Variants in RPS6KA2 observed in about 807,000 individuals in gnomAD.
The protein encoded by RPS6KA2 is ribosomal protein S6 kinase alpha-2.
In RPS6KA2, 42 loss-of-function variants were observed where a neutral mutation model predicts 91.8. The observed-to-expected ratio is 0.46, with a 90% CI of 0.36 to 0.59. The LOEUF (loss-of-function observed/expected upper bound fraction) is 0.59, where lower values mean the gene tolerates loss of function less well. RPS6KA2 is among the 20% of genes least tolerant of loss of function. The pLI is 0.00. For missense variants in RPS6KA2, 798 were observed against 978.5 expected (o/e 0.82, Z 2.46); for synonymous variants, 414 against 393.6 (o/e 1.05, Z -0.61).
intron 10 of RPS6KA2, among the ~76,000 whole-genome samples, chr6:166,485,939 C>CTGG (rs1485205728): frequency 6.6e-6 from 1 of 152,146 alleles, no homozygotes; most frequent in Non-Finnish European, 1.5e-5. Context: ...GGACTCTGGG[C>CTGG]ACTAAGGGTG....
intron 2 of RPS6KA2, chr6:166,701,774 T>C: frequency 9.7e-7 from 1 of 1,034,048 alleles, no homozygotes; most frequent in Non-Finnish European, 1.5e-6. Context: ...GATATCATTT[T>C]CCTAACGCTC....
intron 1 of RPS6KA2, chr6:166,544,836 T>C (rs1783774713): frequency 6.6e-6 from 1 of 152,190 alleles, no homozygotes. Context: ...AATCAATTCC[T>C]TAGGAAACCA....
intron 1 of RPS6KA2, among the ~76,000 whole-genome samples, chr6:166,579,658 T>A (rs1017100744): frequency 6.6e-6 from 1 of 152,188 alleles, no homozygotes; most frequent in African/African-American, 2.4e-5. Context: ...ATGTGTCATG[T>A]TACAAGAAGG....
At chr6:166,576,828 G>A (rs755468329) in intron 1 of RPS6KA2, among the ~76,000 whole-genome samples, 6 of 152,202 alleles carry the variant, frequency 3.9e-5, no homozygotes, top group South Asian at 2.1e-4. Flanking sequence ...GTTAATCCCC[G>A]AGACAATGGG....
At position 166,508,339 on chromosome 6, in the gene RPS6KA2, C is replaced by T. The variant is rs1490614597; in HGVS notation, c.380-57G>A. The T allele has an allele frequency of 1.1e-5, 13 of 1,132,686 alleles. No homozygotes were observed. The highest frequency in any genetic ancestry group is 4.7e-5 in the East Asian group (2 of 42,384). The allele number at this position is 1,132,686 out of a possible 1,614,324, so 70.2% of individuals were successfully genotyped here. ...CTTGTCGAATGTCCTGTGGCAACATCGCTCTCTGGCTTCTCCCTGCTCACG... is the reference window on the plus strand; with the variant it reads ...CTTGTCGAATGTCCTGTGGCAACATTGCTCTCTGGCTTCTCCCTGCTCACG... On this transcript the variant is annotated intron_variant, in intron 4 of 20. Transcript: ENST00000265678. The surrounding 1 kb of genome is among the most constrained non-coding windows in gnomAD (Gnocchi z 4.3).
intron 2 of RPS6KA2, among the ~76,000 whole-genome samples, chr6:166,709,141 G>T (rs1221382848): frequency 6.6e-6 from 1 of 152,140 alleles, no homozygotes; most frequent in Non-Finnish European, 1.5e-5. Context: ...CCTCCTTAAA[G>T]CAGCACTGAA....
At chr6:166,673,580 TGGCTCAGGA>T (rs1788540725) in intron 2 of RPS6KA2, among the ~76,000 whole-genome samples, 1 of 152,212 alleles carries the variant, frequency 6.6e-6, no homozygotes, top group Non-Finnish European at 1.5e-5. Flanking sequence ...AGGGTCCACA[TGGCTCAGGA>T]GGCACAAAAC....
In RPS6KA2 at chr6:166,419,848, C is replaced by T; in HGVS notation, c.1820+34G>A. On this transcript the variant is annotated intron_variant, in intron 18 of 20. Transcript: ENST00000265678. The surrounding 1 kb of genome is among the most constrained non-coding windows in gnomAD (Gnocchi z 5.6). ...AGCCACTGAGGCTGCTGCCCTGTGTCTCCTCCTGACACCTGTTTGAGGTGA... is the reference window on the plus strand; with the variant it reads ...AGCCACTGAGGCTGCTGCCCTGTGTTTCCTCCTGACACCTGTTTGAGGTGA... 1 of 1,593,916 alleles carries T rather than the reference C, an allele frequency of 6.3e-7. No homozygotes were observed. The highest frequency in any genetic ancestry group is 1.1e-5 in the South Asian group (1 of 90,596).
At chr6:166,470,225 C>T (rs1490601457) in intron 10 of RPS6KA2, among the ~76,000 whole-genome samples, 2 of 152,242 alleles carry the variant, frequency 1.3e-5, no homozygotes, top group African/African-American at 2.4e-5. Context: ...CCCACTGTCA[C>T]CCCCAGGAGC....
chr6:166,507,143 C>T (rs1782256608), intron 5 of RPS6KA2, among the ~76,000 whole-genome samples: 1 of 152,054 alleles, frequency 6.6e-6, no homozygotes, highest in African/African-American at 2.4e-5. Context: ...GCAGTACCTC[C>T]CTCTTCCCTC....
Position 166,648,027 on chromosome 6 carries a change from T to C in RPS6KA2, c.124-109243A>G, listed in dbSNP as rs369435570. 5.2e-4 allele frequency among the ~76,000 whole-genome samples: 50 copies of C among 95,530 alleles called. No individual in the cohort carries two copies. Among genetic ancestry groups the C allele is most frequent in the African/African-American group, 1.5e-3 (30 of 20,576 alleles). The allele number at this position is 95,530 out of a possible 152,430, so 62.7% of individuals were successfully genotyped here. Reference sequence around the variant, plus strand: ...ACACGCACATGCTTACACACATACATACACACATGCTCTCACACACATGCA... The same window carrying C: ...ACACGCACATGCTTACACACATACACACACACATGCTCTCACACACATGCA... On this transcript the variant is annotated intron_variant, in intron 2 of 21. Transcript: ENST00000503859. The surrounding 1 kb of genome is among the most constrained non-coding windows in gnomAD (Gnocchi z 4.8).
chr6:166,779,267 G>A (rs1270217182), intron 2 of RPS6KA2, among the ~76,000 whole-genome samples: 1 of 152,208 alleles, frequency 6.6e-6, no homozygotes, highest in Non-Finnish European at 1.5e-5. Flanking sequence ...ATCCTAAGGA[G>A]TTGTTTTTAA....
At chr6:166,791,740 T>C (rs141437886) in intron 2 of RPS6KA2, among the ~76,000 whole-genome samples, 7,592 of 150,576 alleles carry the variant, frequency 0.05, 883 homozygotes, top group African/African-American at 0.18. Flanking sequence ...TACATGGAAA[T>C]TGAACAACGT....
intron 1 of RPS6KA2, among the ~76,000 whole-genome samples, chr6:166,598,019 C>T (rs989561190): frequency 1.3e-5 from 2 of 152,198 alleles, no homozygotes; most frequent in Non-Finnish European, 2.9e-5. Context: ...TAAATGGGTC[C>T]AGGAGCAGTC....
At chr6:166,776,023 C>T (rs1407148857) in intron 2 of RPS6KA2, among the ~76,000 whole-genome samples, 1 of 152,148 alleles carries the variant, frequency 6.6e-6, no homozygotes, top group Non-Finnish European at 1.5e-5. Context: ...TTGTGAAAGC[C>T]ACTGAGGGTG....
At chr6:166,800,582 G>T (rs1236461763) in intron 2 of RPS6KA2, among the ~76,000 whole-genome samples, 1 of 152,150 alleles carries the variant, frequency 6.6e-6, no homozygotes, top group Non-Finnish European at 1.5e-5. Context: ...GCAGCAACAG[G>T]GTTCTGTCTT....
At chr6:166,672,026 A>T (rs1322064158) in intron 2 of RPS6KA2, among the ~76,000 whole-genome samples, 1 of 152,208 alleles carries the variant, frequency 6.6e-6, no homozygotes, top group Non-Finnish European at 1.5e-5. Context: ...TTTACGAGTT[A>T]TAGCCAAGTG....
Position 166,538,799 on chromosome 6 carries a change from C to T in RPS6KA2, c.100-15G>A. The T allele has an allele frequency of 6.9e-7, 1 of 1,439,252 alleles. No homozygotes were observed. The highest frequency in any genetic ancestry group is 9.8e-7 in the Non-Finnish European group (1 of 1,021,812). The allele number at this position is 1,439,252 out of a possible 1,614,324, so 89.2% of individuals were successfully genotyped here. A position where few individuals can be genotyped will look rare whatever the true frequency, so the allele number is the denominator to read the frequency against. ...ACGCCTTCTTCCTGCAAGAGAGCGG[C>T]ACGGGTGAGAAACACACCGCGAGGA... On this transcript the variant is annotated splice_polypyrimidine_tract_variant and intron_variant, in intron 1 of 20. Transcript: ENST00000265678.
At chr6:166,643,745 G>A (rs1002932233) in intron 2 of RPS6KA2, among the ~76,000 whole-genome samples, 12 of 152,158 alleles carry the variant, frequency 7.9e-5, no homozygotes, top group Admixed American at 2.0e-4. Flanking sequence ...TCTGACCTCC[G>A]CTGTCAGTCC....
Sources: gnomAD v4.1 joint callset for allele counts (sites outside exome capture counted in the v4.1 genomes callset) on GRCh38, gnomAD v4.1.1 for gene constraint, Gnocchi (gnomAD v3.1) non-coding constraint, MANE v1.5 for transcripts, NCBI Gene and HGNC (gene_info 2026-07-23, HGNC 2026-07-21) for gene names.